WIPF3: variants seen among roughly 807,000 people sequenced by gnomAD.
The protein encoded by WIPF3 is WAS/WASL interacting protein family member 3.
Under a neutral mutation model 38.9 loss-of-function variants are expected in WIPF3, and 33 were observed. The ratio of observed to expected loss-of-function variants is 0.85; its 90% CI spans 0.64 to 1.14. WIPF3 has a LOEUF of 1.14. Among genes scored for constraint, WIPF3 ranks in the 50% most tolerant of loss-of-function variants. WIPF3 has a pLI of 0.00. For synonymous variants in WIPF3, 324 were observed against 269.3 expected, an observed-to-expected ratio of 1.20 and a Z score of -1.99; for missense variants, 711 against 652.5, an observed-to-expected ratio of 1.09 and a Z score of -0.98.
Position 29,876,958 on chromosome 7 carries a change from T to G in WIPF3, c.223+996T>G, listed in dbSNP as rs1454891975. Among the ~76,000 whole-genome samples the G allele has an allele frequency of 4.6e-5, 7 of 152,088 alleles. No homozygotes were observed. The East Asian group carries it at 5.8e-4, about 13-fold the overall frequency. ...GCTCCTTTTTTTTTTCTTGGTCGAT[T>G]GTTGAAAGTTGAAATAATATATGCA... On this transcript the variant is annotated intron_variant, in intron 3 of 8. Transcript: ENST00000242140.
chr7:29,868,789 G>A (rs174955), intron 2 of WIPF3, among the ~76,000 whole-genome samples: 139,619 of 152,030 alleles, frequency 0.92, 64,229 homozygotes, highest in East Asian at 1. Flanking sequence ...ACTGTACTCA[G>A]TGAATCCTGT....
intron 2 of WIPF3, among the ~76,000 whole-genome samples, chr7:29,863,636 A>G (rs935373216): frequency 4.6e-5 from 7 of 152,222 alleles, no homozygotes; most frequent in Admixed American, 4.6e-4. Flanking sequence ...TTGGAATTGC[A>G]TTGAATTTAC....
chr7:29,832,314 A>C (rs1417476168), intron 1 of WIPF3, among the ~76,000 whole-genome samples: 1 of 152,126 alleles, frequency 6.6e-6, no homozygotes, highest in East Asian at 1.9e-4. Flanking sequence ...GCTTGTTCCA[A>C]CTAAATTGTG....
chr7:29,880,442 G>C (rs1785691339), intron 4 of WIPF3, among the ~76,000 whole-genome samples: 1 of 152,202 alleles, frequency 6.6e-6, no homozygotes, highest in Non-Finnish European at 1.5e-5. Flanking sequence ...TTGCTGAGGG[G>C]TTAGCAGGAA....
chr7:29,823,370 T>G lies in WIPF3; in HGVS notation c.-57-11298T>G, dbSNP rs1167934049. ...TCCGTCTCCTGGGAGAACCCAACAT[T>G]CAGAATATATTTTATTCCCACGCCG... is the stretch of plus-strand genomic sequence containing the variant. On this transcript the variant is annotated intron_variant, in intron 1 of 8. Coordinates refer to ENST00000242140, the MANE Select transcript of WIPF3 (RefSeq NM_001080529.3). The surrounding 1 kb of genome is among the most constrained non-coding windows in gnomAD (Gnocchi z 4.0). Among the ~76,000 whole-genome samples, 1 of 152,174 alleles carries G rather than the reference T, an allele frequency of 6.6e-6. No individual in the cohort carries two copies. Among genetic ancestry groups the G allele is most frequent in the Non-Finnish European group, 1.5e-5 (1 of 68,026 alleles).
rs577359100 is a variant in WIPF3, at chr7:29,853,660, CT to C, written c.90+18848del. On this transcript the variant is annotated intron_variant, in intron 2 of 8. Transcript: ENST00000242140. ...TGGTGATTAAGATTCCTGAGCCAGA[CT>C]TCCTGTGTTGCCATCCCAGAAGTTC... Among the ~76,000 whole-genome samples, 318 of 152,352 alleles carry C rather than the reference CT, an allele frequency of 2.1e-3. 1 individual carries two copies. The highest frequency in any genetic ancestry group is 7.4e-3 in the African/African-American group (307 of 41,578).
intron 1 of WIPF3, among the ~76,000 whole-genome samples, chr7:29,816,986 T>C (rs1056237625): frequency 2.6e-5 from 4 of 152,180 alleles, no homozygotes; most frequent in Non-Finnish European, 5.9e-5. Flanking sequence ...CTACCAATAA[T>C]TGTCTGATTC....
intron 8 of WIPF3, chr7:29,904,686 C>A: frequency 7.2e-6 from 2 of 278,180 alleles, no homozygotes; most frequent in Non-Finnish European, 1.4e-5. Flanking sequence ...AACTGAATAA[C>A]ATGTATAAAA....
At chr7:29,836,328 A>G (rs1337357190) in intron 2 of WIPF3, among the ~76,000 whole-genome samples, 1 of 152,244 alleles carries the variant, frequency 6.6e-6, no homozygotes, top group Non-Finnish European at 1.5e-5. Flanking sequence ...TTTAGCCAGA[A>G]TAAATAAACT....
At chr7:29,914,132 A>G (rs1393305979) in intron 8 of WIPF3, among the ~76,000 whole-genome samples, 5 of 152,186 alleles carry the variant, frequency 3.3e-5, no homozygotes, top group Non-Finnish European at 7.4e-5. Context: ...CTGGGCTGGA[A>G]GTCTGAATGC....
intron 2 of WIPF3, among the ~76,000 whole-genome samples, chr7:29,871,379 T>C (rs915483199): frequency 3.9e-5 from 6 of 152,192 alleles, no homozygotes; most frequent in Admixed American, 3.9e-4. Context: ...TCAGCAGGCT[T>C]GTATGCCTGG....
chr7:29,825,019 A>G (rs1022965080), intron 1 of WIPF3, among the ~76,000 whole-genome samples: 3 of 152,202 alleles, frequency 2.0e-5, no homozygotes, highest in Admixed American at 6.5e-5. Flanking sequence ...TATTTCCTCA[A>G]TGATTTTTGG....
chr7:29,853,032 C>T (rs933405603), intron 2 of WIPF3, among the ~76,000 whole-genome samples: 2 of 152,168 alleles, frequency 1.3e-5, no homozygotes, highest in African/African-American at 4.8e-5. Context: ...GATTCTGAGA[C>T]AAGGCTTTGG....
At chr7:29,874,169 C>G (rs894834601) in intron 2 of WIPF3, among the ~76,000 whole-genome samples, 1 of 151,822 alleles carries the variant, frequency 6.6e-6, no homozygotes, top group Non-Finnish European at 1.5e-5. Context: ...TTGGTGCATG[C>G]GTATGCCCTT....
intron 1 of WIPF3, among the ~76,000 whole-genome samples, chr7:29,813,957 G>C (rs1583587720): frequency 1.3e-5 from 2 of 148,452 alleles, no homozygotes; most frequent in Admixed American, 6.7e-5. Flanking sequence ...GTTTCGCTCT[G>C]TCACCCAGAC....
At chr7:29,856,147 A>C (rs1429420032) in intron 2 of WIPF3, among the ~76,000 whole-genome samples, 1 of 151,540 alleles carries the variant, frequency 6.6e-6, no homozygotes, top group African/African-American at 2.4e-5. Flanking sequence ...CATATCTCCC[A>C]CCTTTATTCA....
intron 4 of WIPF3, among the ~76,000 whole-genome samples, chr7:29,881,402 T>C (rs1389723819): frequency 6.6e-6 from 1 of 152,186 alleles, no homozygotes; most frequent in Non-Finnish European, 1.5e-5. Flanking sequence ...TGAATGGTAG[T>C]GTGGTGGCTG....
At chr7:29,861,605 G>C (rs1478262584) in intron 2 of WIPF3, among the ~76,000 whole-genome samples, 1 of 151,952 alleles carries the variant, frequency 6.6e-6, no homozygotes, top group East Asian at 1.9e-4. Flanking sequence ...CTTTATTATA[G>C]ATATTTGTCC....
At chr7:29,851,910 T>C (rs950663127) in intron 2 of WIPF3, among the ~76,000 whole-genome samples, 3 of 152,262 alleles carry the variant, frequency 2.0e-5, no homozygotes, top group South Asian at 4.1e-4. Flanking sequence ...GTTGCTTTTG[T>C]TTCATTTAAA....
Sources: gnomAD v4.1 joint callset for allele counts (sites outside exome capture counted in the v4.1 genomes callset) on GRCh38, gnomAD v4.1.1 for gene constraint, Gnocchi (gnomAD v3.1) non-coding constraint, MANE v1.5 for transcripts, NCBI Gene and HGNC (gene_info 2026-07-23, HGNC 2026-07-21) for gene names.